C8orf34: variants seen among roughly 807,000 people sequenced by gnomAD.
C8orf34 encodes uncharacterized protein C8orf34.
Under a neutral mutation model 68.3 loss-of-function variants are expected in C8orf34, and 65 were observed. The observed-to-expected ratio is 0.95, with a 90% CI of 0.78 to 1.17. The LOEUF (loss-of-function observed/expected upper bound fraction) is 1.17. C8orf34 is among the 50% of genes most tolerant of loss of function. The pLI is 0.00. For missense variants in C8orf34, 664 were observed against 655.4 expected, an observed-to-expected ratio of 1.01 and a Z score of -0.14; for synonymous variants, 244 against 241.2, an observed-to-expected ratio of 1.01 and a Z score of -0.11.
intron 1 of C8orf34, among the ~76,000 whole-genome samples, chr8:68,410,833 C>A (rs189290325): frequency 5.9e-5 from 9 of 152,280 alleles, no homozygotes; most frequent in Admixed American, 3.9e-4. Context: ...GCCAACAGCA[C>A]CCCTTCCTAG....
chr8:68,748,920 A>T (rs934720690), intron 10 of C8orf34, among the ~76,000 whole-genome samples: 4 of 152,230 alleles, frequency 2.6e-5, no homozygotes, highest in African/African-American at 9.6e-5. Flanking sequence ...TCATGCTGCT[A>T]TAACGACACA....
chr8:68,584,633 G>A (rs1183118769), intron 7 of C8orf34, among the ~76,000 whole-genome samples: 4 of 152,090 alleles, frequency 2.6e-5, no homozygotes, highest in East Asian at 1.9e-4. Context: ...GGGAAAACCC[G>A]GCAGGTGGAG....
intron 10 of C8orf34, among the ~76,000 whole-genome samples, chr8:68,774,329 G>GTATATATATA (rs1237765866): frequency 1.3e-4 from 16 of 126,888 alleles, no homozygotes; most frequent in African/African-American, 4.8e-4. Flanking sequence ...ATGGGTGTGT[G>GTATATATATA]TGTATATATA....
intron 8 of C8orf34, among the ~76,000 whole-genome samples, chr8:68,667,873 A>G (rs1819888257): frequency 6.6e-6 from 1 of 152,328 alleles, no homozygotes; most frequent in South Asian, 2.1e-4. Context: ...GTCACAACTG[A>G]TCAGCACACT....
At chr8:68,492,404 AT>A (rs1265941622) in intron 5 of C8orf34, among the ~76,000 whole-genome samples, 1 of 151,608 alleles carries the variant, frequency 6.6e-6, no homozygotes, top group African/African-American at 2.4e-5. Flanking sequence ...TAATTTTTTA[AT>A]TTTTTTAGAG....
intron 7 of C8orf34, among the ~76,000 whole-genome samples, chr8:68,617,115 G>T (rs1328485531): frequency 1.3e-5 from 2 of 152,088 alleles, no homozygotes; most frequent in Non-Finnish European, 2.9e-5. Context: ...TGCAACTCCT[G>T]CCTTTTTTTG....
intron 10 of C8orf34, among the ~76,000 whole-genome samples, chr8:68,723,058 TA>T (rs1821720231): frequency 6.6e-6 from 1 of 152,026 alleles, no homozygotes; most frequent in Non-Finnish European, 1.5e-5. Context: ...GTCCTAAAGT[TA>T]AAAAACAGTG....
At chr8:68,679,077 G>A (rs901875864) in intron 8 of C8orf34, among the ~76,000 whole-genome samples, 1 of 151,974 alleles carries the variant, frequency 6.6e-6, no homozygotes, top group Non-Finnish European at 1.5e-5. Context: ...GAGGTGGGCT[G>A]ATCACAAGGT....
At chr8:68,612,509 T>A (rs188327290) in intron 7 of C8orf34, among the ~76,000 whole-genome samples, 39 of 152,304 alleles carry the variant, frequency 2.6e-4, no homozygotes, top group African/African-American at 9.4e-4. Flanking sequence ...ACCTTTTGAT[T>A]GATTATTTCA....
At chr8:68,478,765 C>G (rs1163739394) in intron 4 of C8orf34, among the ~76,000 whole-genome samples, 1 of 152,156 alleles carries the variant, frequency 6.6e-6, no homozygotes, top group Non-Finnish European at 1.5e-5. Context: ...ATAAAACCAT[C>G]AGATCTTGTG....
At chr8:68,767,651 A>G (rs536120578) in intron 10 of C8orf34, among the ~76,000 whole-genome samples, 115 of 152,168 alleles carry the variant, frequency 7.6e-4, no homozygotes, top group Non-Finnish European at 1.3e-3. Context: ...GCATTCATTC[A>G]TAGAAATGGG....
At chr8:68,777,803 T>C (rs1823564511) in intron 11 of C8orf34, among the ~76,000 whole-genome samples, 1 of 152,212 alleles carries the variant, frequency 6.6e-6, no homozygotes, top group Admixed American at 6.5e-5. Context: ...AGAAAACCTT[T>C]ATTTATAAAT....
At chr8:68,660,747 G>A (rs1028626818) in intron 8 of C8orf34, among the ~76,000 whole-genome samples, 1 of 152,130 alleles carries the variant, frequency 6.6e-6, no homozygotes, top group African/African-American at 2.4e-5. Context: ...AGTCCCAAGT[G>A]GCCCTCCTCA....
chr8:68,527,946 CG>C lies in C8orf34; in HGVS notation c.939-5036del, dbSNP rs568519977. 5.2e-3 allele frequency among the ~76,000 whole-genome samples: 786 copies of C among 152,240 alleles called. 7 individuals carry two copies. Among genetic ancestry groups the C allele is most frequent in the African/African-American group, 0.018 (753 of 41,550 alleles). On this transcript the variant is annotated intron_variant, in intron 6 of 13. Coordinates refer to ENST00000518698, the MANE Select transcript of C8orf34 (RefSeq NM_052958.4). ...AGAAGAGGGTGGTGTCATCCTTTAT[CG>C]TCTGCTGCTTCCAGATCTTGCTGTC...
At chr8:68,453,406 G>T (rs984833447) in intron 3 of C8orf34, among the ~76,000 whole-genome samples, 27 of 151,994 alleles carry the variant, frequency 1.8e-4, no homozygotes, top group African/African-American at 6.3e-4. Context: ...CAATTCATGA[G>T]CATGTAATGT....
intron 1 of C8orf34, among the ~76,000 whole-genome samples, chr8:68,332,318 C>T (rs1169007817): frequency 1.6e-5 from 2 of 123,728 alleles, no homozygotes; most frequent in East Asian, 4.9e-4. Context: ...GGGCACTGAC[C>T]GGCGGCGAGA....
At chr8:68,613,325 G>C (rs907180706) in intron 7 of C8orf34, among the ~76,000 whole-genome samples, 3 of 150,900 alleles carry the variant, frequency 2.0e-5, no homozygotes, top group African/African-American at 7.4e-5. Context: ...TAAGTTTTAG[G>C]GTACATGTGC....
chr8:68,556,812 G>T (rs777356137), intron 7 of C8orf34, among the ~76,000 whole-genome samples: 28 of 152,258 alleles, frequency 1.8e-4, no homozygotes, highest in Middle Eastern at 3.4e-3. Flanking sequence ...TCCACAAATG[G>T]CAGTTAATGG....
At chr8:68,430,835 C>G (rs1810423044) in intron 1 of C8orf34, among the ~76,000 whole-genome samples, 1 of 152,008 alleles carries the variant, frequency 6.6e-6, no homozygotes, top group Admixed American at 6.6e-5. Context: ...AGAAATATAA[C>G]ATTGAGAGAG....
Sources: gnomAD v4.1 joint callset for allele counts (sites outside exome capture counted in the v4.1 genomes callset) on GRCh38, gnomAD v4.1.1 for gene constraint, MANE v1.5 for transcripts, NCBI Gene and HGNC (gene_info 2026-07-23, HGNC 2026-07-21) for gene names.